Variants in ADGRD2 observed in about 807,000 individuals in gnomAD.
ADGRD2 encodes adhesion G protein-coupled receptor D2.
Under a neutral mutation model 44.4 loss-of-function variants are expected in ADGRD2, and 71 were observed. The observed-to-expected ratio is 1.60, with a 90% CI of 1.32 to 1.95. The LOEUF is 1.95. Ranked by LOEUF, ADGRD2 falls within the 30% of genes most tolerant of loss-of-function variation. ADGRD2 has a pLI of 0.00. For synonymous variants in ADGRD2, 481 were observed against 224.8 expected, an observed-to-expected ratio of 2.14 and a Z score of -10.19; for missense variants, 1,039 against 512.4, an observed-to-expected ratio of 2.03 and a Z score of -9.92.
At position 124,454,179 on chromosome 9, in the gene ADGRD2, G is replaced by A. The variant is rs1166695556; in HGVS notation, c.1022+82G>A. On this transcript the variant is annotated intron_variant, in intron 4 of 21. Transcript: ENST00000334810. The surrounding 1 kb of genome is among the most constrained non-coding windows in gnomAD (Gnocchi z 4.5). The stretch of plus-strand genomic sequence containing the variant: ...GTAGACTGAGAGGGGGTGAGCTGCT[G>A]GCAAAGTCTGGGAATTCAGAATAAA... 3.3e-6 allele frequency: 2 copies of A among 605,134 alleles called. No individual in the cohort carries two copies. Among genetic ancestry groups the A allele is most frequent in the Middle Eastern group, 2.6e-4 (1 of 3,906 alleles). 37.5% of individuals were successfully genotyped at this position (605,134 alleles called of 1,614,324 possible).
upstream of ADGRD2, chr9:124,451,466 C>T: frequency 2.9e-6 from 1 of 349,058 alleles, no homozygotes; most frequent in South Asian, 2.2e-5. Context: ...GTGGGCCACC[C>T]CATCCTGGGC....
chr9:124,456,166 A>T (rs980872293), intron 6 of ADGRD2, among the ~76,000 whole-genome samples: 1 of 152,224 alleles, frequency 6.6e-6, no homozygotes, highest in Admixed American at 6.5e-5. Flanking sequence ...TTGCTAAGGC[A>T]ATGGAGAGGC....
Position 124,457,622 on chromosome 9 carries a change from G to T in ADGRD2, c.1640+16G>T. On this transcript the variant is annotated intron_variant, in intron 8 of 21. Transcript: ENST00000334810. The stretch of plus-strand genomic sequence containing the variant: ...CTCAGGAAAGGTGGGTGAGGATGAG[G>T]GGGTGTCCAGAGCCCTGTTGGGTTC... 2 of 614,152 alleles carry T rather than the reference G, an allele frequency of 3.3e-6. No homozygotes were observed. Among genetic ancestry groups the T allele is most frequent in the Non-Finnish European group, 5.9e-6 (2 of 336,658 alleles). The allele number at this position is 614,152 out of a possible 1,614,324, so 38.0% of individuals were successfully genotyped here.
At chr9:124,452,660 G>C (rs755016353) in exon 2 of ADGRD2, 1 of 717,802 alleles carries the variant, frequency 1.4e-6, no homozygotes, top group Non-Finnish European at 2.6e-6. Flanking sequence ...CTTGCTTCAC[G>C]GCTGCGCGAT....
At chr9:124,471,765 A>C (rs2131257122) in intron 17 of ADGRD2, among the ~76,000 whole-genome samples, 1 of 152,310 alleles carries the variant, frequency 6.6e-6, no homozygotes, top group South Asian at 2.1e-4. Flanking sequence ...TGTGCCAGGC[A>C]CTGTGCTGGG....
chr9:124,476,238 G>C (rs762487859), intron 19 of ADGRD2, 119 bp from the exon 23 acceptor site: 3 of 594,554 alleles, frequency 5.0e-6, no homozygotes, highest in Non-Finnish European at 6.1e-6. Flanking sequence ...TAATCTGTGA[G>C]GTAAACCTTG....
At chr9:124,476,292 G>C (rs534618138) in intron 19 of ADGRD2, 65 bp from the exon 23 acceptor site, 1 of 659,722 alleles carries the variant, frequency 1.5e-6, no homozygotes, top group South Asian at 1.6e-5. Context: ...CCCACTCCCA[G>C]GATGGGGGAG....
chr9:124,472,524 G>A (rs1268548290), intron 17 of ADGRD2, among the ~76,000 whole-genome samples: 1 of 149,432 alleles, frequency 6.7e-6, no homozygotes, highest in African/African-American at 2.5e-5. Flanking sequence ...TTTGTTTTTT[G>A]GAGATGGAGT....
At chr9:124,473,046 G>A (rs979485569) in intron 17 of ADGRD2, among the ~76,000 whole-genome samples, 9 of 152,120 alleles carry the variant, frequency 5.9e-5, no homozygotes, top group East Asian at 1.9e-4. Context: ...CCCCAGGCCC[G>A]GCCTTTCCCT....
intron 16 of ADGRD2, 38 bp downstream of exon 19, chr9:124,469,585 A>C (rs2131253949): frequency 1.4e-6 from 1 of 715,016 alleles, no homozygotes; most frequent in Non-Finnish European, 2.6e-6. Context: ...GGAAGCAGGA[A>C]GTGCACAGTC....
At chr9:124,468,119 A>C (rs904674031) in exon 13 of ADGRD2, 1 of 718,564 alleles carries the variant, frequency 1.4e-6, no homozygotes, top group East Asian at 2.7e-5. Flanking sequence ...CACAGTCCAC[A>C]AGAACCTCAC....
exon 11 of ADGRD2, chr9:124,466,342 C>T: frequency 1.4e-6 from 1 of 717,772 alleles, no homozygotes; most frequent in Non-Finnish European, 2.6e-6. Flanking sequence ...TGCCCTGTAC[C>T]TGGACTCCAC....
chr9:124,475,439 T>C lies in ADGRD2; in HGVS notation c.2759-7T>C, dbSNP rs1222647972. 2 of 712,958 alleles carry C rather than the reference T, an allele frequency of 2.8e-6. No homozygotes were observed. The highest frequency in any genetic ancestry group is 5.4e-5 in the East Asian group (2 of 36,998). The allele number at this position is 712,958 out of a possible 1,614,324, so 44.2% of individuals were successfully genotyped here. A position where few individuals can be genotyped will look rare whatever the true frequency, so the allele number is the denominator to read the frequency against. On this transcript the variant is annotated splice_polypyrimidine_tract_variant and splice_region_variant and intron_variant, in intron 17 of 21. Coordinates refer to ENST00000334810, the Ensembl canonical transcript of ADGRD2. Reference sequence around the variant, plus strand: ...CGGGCTGAGGCACTCGCTGGGTCTGTCCTCAGGGGCTGTACATCTTCCTGG... The same window carrying C: ...CGGGCTGAGGCACTCGCTGGGTCTGCCCTCAGGGGCTGTACATCTTCCTGG...
chr9:124,458,252 CT>C lies in ADGRD2; in HGVS notation c.1764+17del, dbSNP rs1157269550. The C allele has an allele frequency of 5.6e-6, 4 of 718,030 alleles. No individual in the cohort carries two copies. Among genetic ancestry groups the C allele is most frequent in the African/African-American group, 1.7e-5 (1 of 57,236 alleles). The allele number at this position is 718,030 out of a possible 1,614,324, so 44.5% of individuals were successfully genotyped here. A position where few individuals can be genotyped will look rare whatever the true frequency, so the allele number is the denominator to read the frequency against. On this transcript the variant is annotated intron_variant, in intron 9 of 21. Transcript: ENST00000334810. ...GGGTGCAGAGGTGAGTAGGCGCCAC[CT>C]GGAGGGCTGTGAGGGCCTGTGTCCC...
At chr9:124,457,536 T>A in exon 8 of ADGRD2, 1 of 689,262 alleles carries the variant, frequency 1.5e-6, no homozygotes. Context: ...TCACAATGCC[T>A]GGTGGGCGTC....
chr9:124,453,280 C>G (rs1831536963), exon 3 of ADGRD2: 3 of 495,400 alleles, frequency 6.1e-6, no homozygotes, highest in Admixed American at 8.8e-5. Flanking sequence ...GCGTGGGCAG[C>G]ACGCGCCCTT....
exon 2 of ADGRD2, chr9:124,452,590 G>T: frequency 1.4e-6 from 1 of 718,512 alleles, no homozygotes; most frequent in African/African-American, 1.7e-5. Context: ...CTGGTGGCAG[G>T]CCCAAGAGTC....
At chr9:124,453,569 G>A (rs998678601) in exon 3 of ADGRD2, 5 of 698,256 alleles carry the variant, frequency 7.2e-6, no homozygotes, top group Non-Finnish European at 1.3e-5. Context: ...CACCGGGCAC[G>A]GGCCTGCGCG....
chr9:124,456,341 G>C (rs531017528), intron 6 of ADGRD2, among the ~76,000 whole-genome samples: 77 of 152,240 alleles, frequency 5.1e-4, no homozygotes, highest in Non-Finnish European at 3.1e-4. Flanking sequence ...CAGCAAAGGG[G>C]TAGGCATGGC....
Sources: gnomAD v4.1 joint callset for allele counts (sites outside exome capture counted in the v4.1 genomes callset) on GRCh38, gnomAD v4.1.1 for gene constraint, Gnocchi (gnomAD v3.1) non-coding constraint, MANE v1.5 for transcripts, NCBI Gene and HGNC (gene_info 2026-07-23, HGNC 2026-07-21) for gene names.